The following AHNAK variants were observed in gnomAD, a reference collection of about 807,000 sequenced individuals.
AHNAK encodes neuroblast differentiation-associated protein AHNAK.
Under a neutral mutation model 37.8 loss-of-function variants are expected in AHNAK, and 23 were observed. The observed-to-expected ratio is 0.61, with a 90% CI of 0.44 to 0.86. AHNAK has a LOEUF of 0.86. Ranked by LOEUF, AHNAK falls within the 40% of genes least tolerant of loss-of-function variation. AHNAK has a pLI of 0.00. For synonymous variants in AHNAK, 2,481 were observed against 2,636.3 expected, an observed-to-expected ratio of 0.94 and a Z score of 1.80; for missense variants, 7,411 against 7,319.4, an observed-to-expected ratio of 1.01 and a Z score of -0.46.
chr11:62,529,321 G>T lies in AHNAK; in HGVS notation c.5096C>A (p.Pro1699Gln). 6.2e-7 allele frequency: 1 copy of T among 1,614,062 alleles called. No individual in the cohort carries two copies. The highest frequency in any genetic ancestry group is 8.5e-7 in the Non-Finnish European group (1 of 1,180,018). Residue 1699 changes from proline to glutamine, a missense_variant, in exon 5 of 5, where the codon CCA becomes CAA. By Grantham distance (76) the Pro-to-Gln change is moderately conservative (BLOSUM62 -1). Transcript: ENST00000378024. ...ATCTGGGTCGTGAACCTCCACATCT[G>T]GGGCATCAATGTCCACTTTGGGCCC... ...IKGPKVDIDAPDVEVHDPDWH... is the reference protein window; with the variant it reads ...IKGPKVDIDAQDVEVHDPDWH...
At chr11:62,509,929 A>C (rs1364660261) in intron 4 of AHNAK, among the ~76,000 whole-genome samples, 1 of 152,188 alleles carries the variant, frequency 6.6e-6, no homozygotes, top group African/African-American at 2.4e-5. Flanking sequence ...AAACAAACAA[A>C]AAAAGACATT....
chr11:62,520,968 C>T lies in AHNAK; in HGVS notation c.13449G>A (p.Lys4483=), dbSNP rs1940216264. ...VKGDVDVSLP[K]VESDLKGPEV... is the part of the protein sequence containing the mutation. ...CTGGCCCTTTCAGATCACTTTCCAC[C>T]TTAGGTAGTGAAACATCCACATCAC... is the stretch of plus-strand genomic sequence containing the variant. The change falls in exon 5 of 5, where the codon AAG becomes AAA. Residue 4483 remains lysine (K), a synonymous_variant. Transcript: ENST00000378024. 1 of 1,614,032 alleles carries T rather than the reference C, an allele frequency of 6.2e-7. No homozygotes were observed. The highest frequency in any genetic ancestry group is 8.5e-7 in the Non-Finnish European group (1 of 1,180,014).
chr11:62,476,527 G>T (rs1223160883), intron 5 of AHNAK, among the ~76,000 whole-genome samples: 1 of 152,144 alleles, frequency 6.6e-6, no homozygotes, highest in South Asian at 2.1e-4. Context: ...AGTTCCCGAA[G>T]AACTCAACAT....
At chr11:62,507,579 T>C (rs1939832863) in intron 4 of AHNAK, among the ~76,000 whole-genome samples, 1 of 151,940 alleles carries the variant, frequency 6.6e-6, no homozygotes. Context: ...TCACTTGAGG[T>C]CAGGAGTTTG....
Position 62,521,718 on chromosome 11 carries a change from G to C in AHNAK, c.12699C>G (p.Ile4233Met). 6.2e-7 allele frequency: 1 copy of C among 1,613,494 alleles called. No individual in the cohort carries two copies. The highest frequency in any genetic ancestry group is 2.2e-5 in the East Asian group (1 of 44,850). The change falls in exon 5 of 5, where the codon ATC becomes ATG. Residue 4233 changes from isoleucine (I) to methionine (M), a missense_variant. Coordinates refer to ENST00000378024, the MANE Select transcript of AHNAK (RefSeq NM_001620.3). ...KVDIDVPDVN[I>M]EGPDAKLKGP... is the part of the protein sequence containing the mutation. The stretch of plus-strand genomic sequence containing the variant: ...CCTTTAGTTTCGCATCTGGACCTTC[G>C]ATATTCACATCAGGAACATCAATGT...
chr11:62,539,213 G>A (rs1416693959), intron 1 of AHNAK, among the ~76,000 whole-genome samples: 2 of 152,232 alleles, frequency 1.3e-5, no homozygotes, highest in African/African-American at 4.8e-5. Flanking sequence ...CAGTGCTCAG[G>A]AGCCAGCCCT....
At chr11:62,436,060 C>G (rs1938163854) in intron 5 of AHNAK, among the ~76,000 whole-genome samples, 1 of 152,196 alleles carries the variant, frequency 6.6e-6, no homozygotes. Flanking sequence ...GAGTTCAAGC[C>G]TGGCTCACAG....
chr11:62,435,216 C>T (rs1229579623), intron 5 of AHNAK, among the ~76,000 whole-genome samples: 4 of 152,100 alleles, frequency 2.6e-5, no homozygotes, highest in Non-Finnish European at 4.4e-5. Flanking sequence ...GTTCAAAATG[C>T]CCCCCTTTCC....
At position 62,528,242 on chromosome 11, in the gene AHNAK, G is replaced by C. The variant is rs537151833; in HGVS notation, c.6175C>G (p.Pro2059Ala). ...TCTGGGCCCTCTGCTTTGAAGCCAG[G>C]CATGCTGAACTTGGGCATTTTCATC... ...PKMKMPKFSM[P>A]GFKAEGPEVD... The change falls in exon 5 of 5, where the codon CCT (proline) becomes GCT (alanine). Residue 2059 changes from proline to alanine, a missense_variant. Physicochemically the swap from Pro to Ala is conservative, Grantham distance 27. Coordinates refer to ENST00000378024, the MANE Select transcript of AHNAK (RefSeq NM_001620.3). 1.7e-5 allele frequency: 28 copies of C among 1,614,034 alleles called. No individual in the cohort carries two copies. Among genetic ancestry groups the C allele is most frequent in the East Asian group, 2.2e-5 (1 of 44,838 alleles).
chr11:62,520,792 G>A lies in AHNAK; in HGVS notation c.13625C>T (p.Pro4542Leu). Residue 4542 changes from proline (P) to leucine (L), a missense_variant, in exon 5 of 5, where the codon CCT becomes CTT. Physicochemically the swap from Pro to Leu is moderately conservative, Grantham distance 98 (BLOSUM62 -3). Coordinates refer to ENST00000378024, the MANE Select transcript of AHNAK (RefSeq NM_001620.3). ...KIKGDMDISV[P>L]KLEGDLKGPK... The stretch of plus-strand genomic sequence containing the variant: ...ACCTTTCAGATCTCCCTCCAGTTTA[G>A]GAACGGAAATGTCCATATCTCCTTT... 1 of 1,614,018 alleles carries A rather than the reference G, an allele frequency of 6.2e-7. No individual in the cohort carries two copies. The highest frequency in any genetic ancestry group is 1.7e-5 in the Admixed American group (1 of 59,992).
chr11:62,465,848 G>C (rs769673616), intron 5 of AHNAK, among the ~76,000 whole-genome samples: 2 of 152,084 alleles, frequency 1.3e-5, no homozygotes, highest in African/African-American at 4.8e-5. Context: ...GGCAAAGGAG[G>C]ATTCTTCCCT....
intron 5 of AHNAK, among the ~76,000 whole-genome samples, chr11:62,455,483 A>C (rs1218208652): frequency 1.3e-5 from 2 of 151,758 alleles, no homozygotes; most frequent in Non-Finnish European, 2.9e-5. Flanking sequence ...AGGCGGGCGG[A>C]TCTCCTGAGG....
At position 62,516,512 on chromosome 11, in the gene AHNAK, T is replaced by C; in HGVS notation, c.*232A>G. The C allele has an allele frequency of 7.2e-7, 1 of 1,393,594 alleles. No homozygotes were observed. 86.3% of individuals were successfully genotyped at this position (1,393,594 alleles called of 1,614,324 possible). A position where few individuals can be genotyped will look rare whatever the true frequency, so the allele number is the denominator to read the frequency against. ...TATATATATGAAATCTTAAGGCAAA[T>C]ACTGTTGACTTTGCACATGGGCTGG... On this transcript the variant is annotated 3_prime_UTR_variant, in exon 5 of 5. Coordinates refer to ENST00000378024, the MANE Select transcript of AHNAK (RefSeq NM_001620.3).
exon 6 of AHNAK, chr11:62,433,605 G>A: frequency 1.9e-6 from 1 of 530,334 alleles, no homozygotes; most frequent in Non-Finnish European, 3.3e-6. Flanking sequence ...CACCATAGTT[G>A]CCAAAGCCCC....
In AHNAK at chr11:62,526,306, G is replaced by A. The variant is rs1940482265; in HGVS notation, c.8111C>T (p.Ala2704Val). The A allele has an allele frequency of 2.5e-6, 4 of 1,613,902 alleles. No individual in the cohort carries two copies. The highest frequency in any genetic ancestry group is 1.1e-5 in the South Asian group (1 of 91,070). ...AATATCAGGCATGGAGATCTTGGGG[G>A]CTTTGATATTCATCTCTGGCATCTT... ...KFKMPEMNIKAPKISMPDIDL... is the reference protein window; with the variant it reads ...KFKMPEMNIKVPKISMPDIDL... Residue 2704 changes from alanine (A) to valine (V), a missense_variant, in exon 5 of 5, where the codon GCC (alanine) becomes GTC (valine). Coordinates refer to ENST00000378024, the MANE Select transcript of AHNAK (RefSeq NM_001620.3).
intron 4 of AHNAK, among the ~76,000 whole-genome samples, chr11:62,504,589 C>G (rs1487107663): frequency 6.6e-6 from 1 of 152,178 alleles, no homozygotes; most frequent in African/African-American, 2.4e-5. Context: ...GCCTGGCCAC[C>G]GAAGACAGAG....
intron 1 of AHNAK, among the ~76,000 whole-genome samples, chr11:62,539,718 G>A (rs536573982): frequency 3.9e-5 from 6 of 152,322 alleles, no homozygotes; most frequent in African/African-American, 1.2e-4. Flanking sequence ...CCAATAGCCC[G>A]TGAGGACGGG....
rs1287578362 is a variant in AHNAK at position 62,532,635 on chromosome 11, T to C, written c.1782A>G (p.Val594=). The C allele has an allele frequency of 2.5e-6, 4 of 1,612,062 alleles. No individual in the cohort carries two copies. In the South Asian group the frequency reaches 3.3e-5, roughly 13 times the overall value. Reference sequence around the variant, plus strand: ...CTTCAGGGACTTTGACTTTCCCTTCTACTCTGGGGAGTGTGACATCTACAC... The same window carrying C: ...CTTCAGGGACTTTGACTTTCCCTTCCACTCTGGGGAGTGTGACATCTACAC... ...KGGVDVTLPR[V]EGKVKVPEVD... is the part of the protein sequence containing the mutation. Residue 594 remains valine, a synonymous_variant, in exon 5 of 5, where the codon GTA becomes GTG. Coordinates refer to ENST00000378024, the MANE Select transcript of AHNAK (RefSeq NM_001620.3).
intron 5 of AHNAK, among the ~76,000 whole-genome samples, chr11:62,484,137 GA>G (rs1028421939): frequency 7.2e-5 from 11 of 152,150 alleles, no homozygotes; most frequent in African/African-American, 2.7e-4. Flanking sequence ...AATGCTTTGG[GA>G]GGCTGAGGCA....
Sources: allele counts gnomAD v4.1 joint callset (sites outside exome capture counted in the v4.1 genomes callset), GRCh38; gene constraint gnomAD v4.1.1; transcripts MANE v1.5; gene names NCBI Gene and HGNC (gene_info 2026-07-23, HGNC 2026-07-21).